The following NTM variants were observed in gnomAD, a reference collection of about 807,000 sequenced individuals.
The protein encoded by NTM is neurotrimin, also known as IgLON family member 2.
In NTM, 13 loss-of-function variants were observed where a neutral mutation model predicts 42.1. The ratio of observed to expected loss-of-function variants is 0.31; its 90% CI spans 0.20 to 0.49. The LOEUF (loss-of-function observed/expected upper bound fraction) is 0.49, where lower values mean the gene tolerates loss of function less well. NTM is among the 20% of genes least tolerant of loss of function. NTM has a pLI of 0.99. For missense variants in NTM, 373 were observed against 452.8 expected (o/e 0.82, Z 1.60); for synonymous variants, 187 against 179.2 (o/e 1.04, Z -0.35).
intron 1 of NTM, among the ~76,000 whole-genome samples, chr11:131,749,487 A>G (rs2082215708): frequency 6.6e-6 from 1 of 152,222 alleles, no homozygotes; most frequent in South Asian, 2.1e-4. Flanking sequence ...TTTTCTTTTA[A>G]TAATTGAAGG....
rs118093911 is a variant in NTM at position 132,076,185 on chromosome 11, T to C, written c.168-70097T>C. Reference sequence around the variant, plus strand: ...TTAATCTATAGCTTCTACTTGATTCTTGTGAACCAGGGGTCAGCAAACTTT... The same window carrying C: ...TTAATCTATAGCTTCTACTTGATTCCTGTGAACCAGGGGTCAGCAAACTTT... On this transcript the variant is annotated intron_variant, in intron 2 of 8. Transcript: ENST00000683400. 5.9e-4 allele frequency among the ~76,000 whole-genome samples: 90 copies of C among 152,342 alleles called. 1 individual carries two copies. In the East Asian group the frequency reaches 0.013, roughly 22 times the overall value.
intron 2 of NTM, among the ~76,000 whole-genome samples, chr11:132,001,360 C>T (rs1051041596): frequency 6.6e-6 from 1 of 152,136 alleles, no homozygotes; most frequent in African/African-American, 2.4e-5. Flanking sequence ...TTATAGTAAG[C>T]TGTTGTGTGA....
intron 3 of NTM, among the ~76,000 whole-genome samples, chr11:132,186,662 C>G (rs2078448033): frequency 6.6e-6 from 1 of 152,000 alleles, no homozygotes; most frequent in Non-Finnish European, 1.5e-5. Flanking sequence ...TTTTCTTTAA[C>G]GATATGTAAA....
chr11:132,188,271 C>T (rs955706716), intron 3 of NTM, among the ~76,000 whole-genome samples: 7 of 152,232 alleles, frequency 4.6e-5, no homozygotes, highest in Admixed American at 3.3e-4. Flanking sequence ...TTGAGGAACC[C>T]GGACTAACCC....
At position 131,962,430 on chromosome 11, in the gene NTM, G is replaced by T. The variant is rs560819246; in HGVS notation, c.167+50782G>T. On this transcript the variant is annotated intron_variant, in intron 2 of 8. Coordinates refer to ENST00000683400, the MANE Select transcript of NTM (RefSeq NM_001352005.2). ...TGAAGGTGATTGGATCATGAGGTTG[G>T]AGCCCTCATAATGGAATTAGTGCCT... Among the ~76,000 whole-genome samples, 15 of 152,244 alleles carry T rather than the reference G, an allele frequency of 9.9e-5. No individual in the cohort carries two copies. The East Asian group carries it at 2.9e-3, about 29-fold the overall frequency.
intron 1 of NTM, among the ~76,000 whole-genome samples, chr11:131,785,697 G>T (rs1305362129): frequency 6.6e-6 from 1 of 152,200 alleles, no homozygotes; most frequent in Non-Finnish European, 1.5e-5. Context: ...GCAGAGGTGA[G>T]ACTAAGATAG....
chr11:131,946,011 A>C (rs920796014), intron 2 of NTM, among the ~76,000 whole-genome samples: 1 of 152,212 alleles, frequency 6.6e-6, no homozygotes, highest in Non-Finnish European at 1.5e-5. Context: ...CAGCTAATGA[A>C]CTGGGGTTAG....
chr11:131,589,248 C>A (rs887173229), intron 1 of NTM, among the ~76,000 whole-genome samples: 1 of 151,198 alleles, frequency 6.6e-6, no homozygotes, highest in African/African-American at 2.5e-5. Flanking sequence ...AGTCAGAAGA[C>A]CCAGTTTCTT....
At chr11:131,881,267 T>C (rs1179011313) in intron 1 of NTM, among the ~76,000 whole-genome samples, 1 of 152,120 alleles carries the variant, frequency 6.6e-6, no homozygotes, top group Non-Finnish European at 1.5e-5. Context: ...AATAAGGACA[T>C]AGGCAAATAG....
At chr11:131,561,068 A>T (rs559344604) in intron 1 of NTM, among the ~76,000 whole-genome samples, 1 of 152,352 alleles carries the variant, frequency 6.6e-6, no homozygotes, top group Non-Finnish European at 1.5e-5. Context: ...TGCAAAAGTC[A>T]GAAGTGGCTG....
chr11:132,107,901 C>G (rs549208957), intron 2 of NTM, among the ~76,000 whole-genome samples: 4 of 152,150 alleles, frequency 2.6e-5, no homozygotes, highest in African/African-American at 9.7e-5. Flanking sequence ...ATGTACACAC[C>G]TGGAATCTCT....
chr11:131,839,003 C>T (rs2043880539), intron 1 of NTM, among the ~76,000 whole-genome samples: 2 of 151,332 alleles, frequency 1.3e-5, no homozygotes, highest in Admixed American at 6.6e-5. Flanking sequence ...CACTGTCACC[C>T]GGGCTGGAGT....
chr11:132,159,658 T>C (rs2073907613), intron 3 of NTM, among the ~76,000 whole-genome samples: 1 of 152,104 alleles, frequency 6.6e-6, no homozygotes, highest in Non-Finnish European at 1.5e-5. Context: ...TATCACAGAA[T>C]GTTTGTCTGA....
intron 2 of NTM, among the ~76,000 whole-genome samples, chr11:132,127,313 G>A (rs1425369517): frequency 6.6e-6 from 1 of 152,232 alleles, no homozygotes; most frequent in African/African-American, 2.4e-5. Flanking sequence ...AAGCGAGTCA[G>A]AATGTGTTTC....
rs1491265028 is a variant in NTM, at chr11:131,735,835, G to GGGGTGTGT, written c.83-175728_83-175727insGGTGTGTG. 2.5e-3 allele frequency among the ~76,000 whole-genome samples: 298 copies of GGGGTGTGT among 121,374 alleles called. 1 individual carries two copies. The highest frequency in any genetic ancestry group is 6.2e-3 in the African/African-American group (231 of 37,506). The allele number at this position is 121,374 out of a possible 152,430, so 79.6% of individuals were successfully genotyped here. A position where few individuals can be genotyped will look rare whatever the true frequency, so the allele number is the denominator to read the frequency against. ...CCGTTCCTTAGATTTCCATTCATAAGGTGTGTGTGTGTGTGTGTGTGTGTG... is the reference window on the plus strand; with the variant it reads ...CCGTTCCTTAGATTTCCATTCATAAGGGGTGTGTGTGTGTGTGTGTGTGTGTGTGTGTG... On this transcript the variant is annotated intron_variant, in intron 1 of 8. Transcript: ENST00000683400.
chr11:132,071,463 G>T (rs905180250), intron 2 of NTM, among the ~76,000 whole-genome samples: 1 of 152,226 alleles, frequency 6.6e-6, no homozygotes, highest in African/African-American at 2.4e-5. Flanking sequence ...CTTGATGCCT[G>T]TGTATCTGTT....
At chr11:131,940,983 C>A (rs1187912513) in intron 2 of NTM, among the ~76,000 whole-genome samples, 1 of 152,166 alleles carries the variant, frequency 6.6e-6, no homozygotes, top group African/African-American at 2.4e-5. Flanking sequence ...AAGGTTTCCT[C>A]TTCGATGATT....
In NTM at chr11:132,272,932, C is replaced by T. The variant is rs562015735; in HGVS notation, c.527-34757C>T. ...ACTGGTTGAGAGGAGATAGCCTTCT[C>T]TTGTTTCTGATCTTAAGGGAAAGCA... On this transcript the variant is annotated intron_variant, in intron 4 of 8. Transcript: ENST00000683400. Among the ~76,000 whole-genome samples, 5 of 152,188 alleles carry T rather than the reference C, an allele frequency of 3.3e-5. No homozygotes were observed. In the East Asian group the frequency reaches 9.6e-4, roughly 29 times the overall value.
intron 2 of NTM, among the ~76,000 whole-genome samples, chr11:131,920,926 C>T (rs945663397): frequency 6.6e-6 from 1 of 152,104 alleles, no homozygotes; most frequent in Non-Finnish European, 1.5e-5. Context: ...CTCTAATGTG[C>T]TGGATGAGTG....
Sources: gnomAD v4.1 joint callset for allele counts (sites outside exome capture counted in the v4.1 genomes callset) on GRCh38, gnomAD v4.1.1 for gene constraint, MANE v1.5 for transcripts, NCBI Gene and HGNC (gene_info 2026-07-23, HGNC 2026-07-21) for gene names.